The following SPRY3 variants were observed in gnomAD, a reference collection of about 807,000 sequenced individuals.
SPRY3 encodes the protein protein sprouty homolog 3.
Under a neutral mutation model 20.2 loss-of-function variants are expected in SPRY3, and 15 were observed. That is an observed-to-expected ratio of 0.74 (90% CI 0.50 to 1.14). SPRY3 has a LOEUF of 1.14. Among genes scored for constraint, SPRY3 ranks in the 50% most tolerant of loss-of-function variants. SPRY3 has a pLI of 0.00. For missense variants in SPRY3, 364 were observed against 363.9 expected (o/e 1.00, Z 0.00); for synonymous variants, 143 against 136.5 (o/e 1.05, Z -0.33).
intron 2 of SPRY3, among the ~76,000 whole-genome samples, chrX:155,718,062 C>A (rs772661850): frequency 2.0e-5 from 3 of 152,264 alleles, no homozygotes; most frequent in Non-Finnish European, 2.9e-5. Context: ...CAGACTCCCA[C>A]TGTTTTTACT....
At chrX:155,708,405 C>A (rs2090965037) in intron 2 of SPRY3, among the ~76,000 whole-genome samples, 1 of 151,284 alleles carries the variant, frequency 6.6e-6, no homozygotes, top group African/African-American at 2.4e-5. Context: ...TTCCCTTATA[C>A]ATGATGAGTT....
intron 2 of SPRY3, among the ~76,000 whole-genome samples, chrX:155,746,180 A>G (rs1430835325): frequency 6.6e-6 from 1 of 152,056 alleles, no homozygotes; most frequent in Non-Finnish European, 1.5e-5. Context: ...CTTTTCTTCA[A>G]AAAAGTTTCA....
intron 2 of SPRY3, among the ~76,000 whole-genome samples, chrX:155,706,282 T>C (rs745994823): frequency 1.7e-4 from 26 of 151,214 alleles, no homozygotes; most frequent in African/African-American, 5.8e-4. Flanking sequence ...AGAGAAGAAA[T>C]ATGAAAGGGA....
chrX:155,699,783 A>T (rs781066272), intron 2 of SPRY3, among the ~76,000 whole-genome samples: 2 of 110,453 alleles, frequency 1.8e-5, no homozygotes, highest in Non-Finnish European at 3.8e-5. Context: ...ATCAGATCAT[A>T]TACCTAAGAT....
intron 2 of SPRY3, among the ~76,000 whole-genome samples, chrX:155,748,333 GA>G (rs2091239246): frequency 6.6e-6 from 1 of 151,816 alleles, no homozygotes; most frequent in South Asian, 2.1e-4. Flanking sequence ...TGAATATGGG[GA>G]AAAGTATGTT....
intron 2 of SPRY3, among the ~76,000 whole-genome samples, chrX:155,731,047 G>A (rs1352964759): frequency 1.3e-5 from 2 of 152,020 alleles, no homozygotes; most frequent in Non-Finnish European, 2.9e-5. Flanking sequence ...TATGTTCATG[G>A]ATTGGAAGAA....
At chrX:155,745,971 C>G (rs956329929) in intron 2 of SPRY3, among the ~76,000 whole-genome samples, 2 of 152,014 alleles carry the variant, frequency 1.3e-5, no homozygotes, top group Non-Finnish European at 2.9e-5. Context: ...AACTGCATGA[C>G]TGCACAAACA....
chrX:155,768,310 T>A (rs1409914766), intron 3 of SPRY3, among the ~76,000 whole-genome samples, 174 bp downstream of exon 2: 1 of 152,194 alleles, frequency 6.6e-6, no homozygotes, highest in Non-Finnish European at 1.5e-5. Flanking sequence ...TAAATTATAT[T>A]TAAATAAATC....
intron 2 of SPRY3, among the ~76,000 whole-genome samples, chrX:155,693,145 T>C (rs758324095): frequency 1.5e-4 from 17 of 111,740 alleles, no homozygotes; most frequent in Admixed American, 1.1e-3. Context: ...CTAACTACTG[T>C]ATCATCTTAA....
chrX:155,685,903 G>A (rs2068086342), intron 2 of SPRY3, among the ~76,000 whole-genome samples: 1 of 110,909 alleles, frequency 9.0e-6, no homozygotes, highest in African/African-American at 3.3e-5. Context: ...GAGTAGCTGG[G>A]ACTACAGGTG....
rs782620041 is a variant in SPRY3, at chrX:155,663,509, AAG to A, written c.-282+6487_-282+6488del. Among the ~76,000 whole-genome samples the A allele has an allele frequency of 6.9e-3, 772 of 111,828 alleles. 3 individuals are homozygous for A. The highest frequency in any genetic ancestry group is 0.011 in the South Asian group (30 of 2,681). On this transcript the variant is annotated intron_variant, in intron 2 of 3. Coordinates refer to ENST00000675360, the Ensembl canonical transcript of SPRY3. ...AGGTCAGAAAGAGAGGAAAGGCAAA[AAG>A]AGGTTACCAGCAAATTTCATTATGA...
downstream of SPRY3, chrX:155,778,020 A>G (rs938112979): frequency 2.3e-4 from 39 of 167,126 alleles, no homozygotes; most frequent in African/African-American, 7.9e-4. Context: ...TAGCTCATTC[A>G]TTCCTCACAA....
At chrX:155,613,754 G>A (rs1445066994) in intron 1 of SPRY3, among the ~76,000 whole-genome samples, 2 of 111,341 alleles carry the variant, frequency 1.8e-5, no homozygotes, top group African/African-American at 6.5e-5. Context: ...AATTTAGATA[G>A]CACCTCCTCT....
At chrX:155,751,638 A>G (rs2091262579) in intron 2 of SPRY3, among the ~76,000 whole-genome samples, 1 of 151,836 alleles carries the variant, frequency 6.6e-6, no homozygotes, top group Non-Finnish European at 1.5e-5. Flanking sequence ...TAGAAAGGCT[A>G]TACATGATAT....
At chrX:155,697,738 A>G (rs2068124160) in intron 2 of SPRY3, among the ~76,000 whole-genome samples, 2 of 109,375 alleles carry the variant, frequency 1.8e-5, no homozygotes, top group Non-Finnish European at 3.8e-5. Flanking sequence ...AAACTTAGAC[A>G]TGGATTTGAG....
chrX:155,749,748 A>G (rs778950267), intron 2 of SPRY3, among the ~76,000 whole-genome samples: 127 of 152,006 alleles, frequency 8.4e-4, no homozygotes, highest in African/African-American at 2.9e-3. Flanking sequence ...TAACTAAGGT[A>G]CTGTTTATTA....
At chrX:155,623,447 A>G (rs1402118477) in intron 1 of SPRY3, among the ~76,000 whole-genome samples, 1 of 112,121 alleles carries the variant, frequency 8.9e-6, no homozygotes, top group Admixed American at 9.4e-5. Flanking sequence ...ATCATTTCTT[A>G]GAATTATAGA....
chrX:155,674,858 T>G (rs1192786574), intron 2 of SPRY3, among the ~76,000 whole-genome samples: 1 of 111,715 alleles, frequency 9.0e-6, no homozygotes, highest in Non-Finnish European at 1.9e-5. Context: ...ACAAAAATAT[T>G]GAACAAGGCA....
chrX:155,657,141 C>G (rs1487528284), intron 2 of SPRY3, among the ~76,000 whole-genome samples: 4 of 111,954 alleles, frequency 3.6e-5, no homozygotes, highest in African/African-American at 6.5e-5. Flanking sequence ...CTGGGGGAAC[C>G]CTCCTTGTCA....
Sources: gnomAD v4.1 joint callset for allele counts (sites outside exome capture counted in the v4.1 genomes callset) on GRCh38, gnomAD v4.1.1 for gene constraint, MANE v1.5 for transcripts, NCBI Gene and HGNC (gene_info 2026-07-23, HGNC 2026-07-21) for gene names.